The following HYDIN variants were observed in gnomAD, a reference collection of about 807,000 sequenced individuals.
HYDIN encodes axonemal central pair apparatus protein HYDIN.
Under a neutral mutation model 403.9 loss-of-function variants are expected in HYDIN, and 132 were observed. The ratio of observed to expected loss-of-function variants is 0.33; its 90% CI spans 0.28 to 0.38. The LOEUF (loss-of-function observed/expected upper bound fraction) is 0.38, where lower values mean the gene tolerates loss of function less well. HYDIN is among the 10% of genes least tolerant of loss of function. The pLI is 1.00. For synonymous variants in HYDIN, 1,202 were observed against 1,891.7 expected (o/e 0.64, Z 9.46); for missense variants, 2,827 against 5,009.5 (o/e 0.56, Z 13.15).
chr16:71,062,444 T>C, intron 16 of HYDIN, 111 bp from the exon 17 acceptor site: 5 of 842,404 alleles, frequency 5.9e-6, no homozygotes, highest in Non-Finnish European at 9.0e-6. Flanking sequence ...AGAAATGTCT[T>C]ATTATTCAAG....
rs537559285 is a variant in HYDIN, at chr16:71,027,320, G to A, written c.3042+282C>T. ...GGAGAATTTGCTTTGGCTAAAAACT[G>A]GGTGTTTTTCTACCAGAGACTTGCT... On this transcript the variant is annotated intron_variant, in intron 20 of 85. Transcript: ENST00000393567. 5,021 of 1,334,110 alleles carry A rather than the reference G, an allele frequency of 3.8e-3. 4 individuals are homozygous for A. Among genetic ancestry groups the A allele is most frequent in the Middle Eastern group, 6.7e-3 (23 of 3,438 alleles). 82.6% of individuals were successfully genotyped at this position (1,334,110 alleles called of 1,614,324 possible).
chr16:71,039,924 G>A (rs2144190953), intron 18 of HYDIN, among the ~76,000 whole-genome samples: 1 of 152,348 alleles, frequency 6.6e-6, no homozygotes, highest in Admixed American at 6.5e-5. Context: ...CCACTGAGCT[G>A]TTAACACCTA....
intron 18 of HYDIN, among the ~76,000 whole-genome samples, chr16:71,033,932 T>A (rs1275927270): frequency 7.2e-5 from 11 of 152,056 alleles, no homozygotes; most frequent in Non-Finnish European, 1.3e-4. Context: ...CAATATGCAC[T>A]GAGAAAAAGC....
intron 80 of HYDIN, among the ~76,000 whole-genome samples, chr16:70,830,599 G>A (rs1250149953): frequency 6.9e-6 from 1 of 145,964 alleles, no homozygotes; most frequent in Non-Finnish European, 1.5e-5. Flanking sequence ...AATAGGCCAG[G>A]TGGGGGATGA....
rs530076668 is a variant in HYDIN at position 70,989,084 on chromosome 16, C to A, written c.3865-572G>T. On this transcript the variant is annotated intron_variant, in intron 25 of 85. Transcript: ENST00000393567. Reference sequence around the variant, plus strand: ...GTACATATATATTTTATTTTTGAGACAAGATGTCTGTCTCTGTCACCCAGG... The same window carrying A: ...GTACATATATATTTTATTTTTGAGAAAAGATGTCTGTCTCTGTCACCCAGG... Among the ~76,000 whole-genome samples the A allele has an allele frequency of 1.6e-4, 25 of 151,922 alleles. No individual in the cohort carries two copies. The South Asian group carries it at 5.0e-3, about 31-fold the overall frequency.
chr16:71,187,003 C>T (rs749217871), intron 1 of HYDIN, 85 bp from the exon 2 acceptor site: 47 of 851,926 alleles, frequency 5.5e-5, no homozygotes, highest in Admixed American at 1.0e-4. Context: ...TTTTCAAATA[C>T]AGGAAGGTTT....
chr16:70,878,784 A>G (rs2040600672), intron 62 of HYDIN, among the ~76,000 whole-genome samples: 2 of 139,564 alleles, frequency 1.4e-5, no homozygotes, highest in African/African-American at 3.2e-5. Flanking sequence ...AACGTCATTT[A>G]CAGTGAATTT....
At chr16:71,038,279 C>T (rs1356707856) in intron 18 of HYDIN, among the ~76,000 whole-genome samples, 6 of 152,332 alleles carry the variant, frequency 3.9e-5, no homozygotes, top group East Asian at 1.9e-4. Flanking sequence ...TTTGACAATA[C>T]GGCAGCAGCA....
chr16:70,875,761 C>T (rs543849678), intron 62 of HYDIN, among the ~76,000 whole-genome samples: 30 of 152,126 alleles, frequency 2.0e-4, no homozygotes, highest in South Asian at 4.1e-4. Flanking sequence ...AGCAGAAATC[C>T]TACCAGATTC....
At chr16:70,865,278 C>G in intron 67 of HYDIN, 1 of 358,378 alleles carries the variant, frequency 2.8e-6, no homozygotes, top group Non-Finnish European at 5.5e-6. Context: ...TAAAGTTCAG[C>G]TGGGGAACTA....
At chr16:70,977,716 T>C (rs201939807) in intron 30 of HYDIN, among the ~76,000 whole-genome samples, 6 of 130,990 alleles carry the variant, frequency 4.6e-5, no homozygotes, top group East Asian at 2.4e-4. Context: ...TCAGGGGTGA[T>C]GAGGGAGGAT....
rs1199548175 is a variant in HYDIN at position 70,872,055 on chromosome 16, T to G, written c.11073A>C (p.Thr3691=). The stretch of plus-strand genomic sequence containing the variant: ...TATTTACCTGTGGGGAGAAAGCAAT[T>G]GTAGCTGAAACAGGCCATTCAAACC... ...LIRFEWPVSA[T]IAFSPQMGHL... is the part of the protein sequence containing the mutation. The change falls in exon 65 of 86, where the codon ACA becomes ACC. Residue 3691 remains threonine, a synonymous_variant. Transcript: ENST00000393567. The G allele has an allele frequency of 6.3e-7, 1 of 1,598,456 alleles. No homozygotes were observed. The highest frequency in any genetic ancestry group is 8.5e-7 in the Non-Finnish European group (1 of 1,173,258).
intron 83 of HYDIN, among the ~76,000 whole-genome samples, chr16:70,819,326 A>G (rs949990414): frequency 6.6e-6 from 1 of 152,180 alleles, no homozygotes; most frequent in African/African-American, 2.4e-5. Flanking sequence ...AGAAATGCTT[A>G]ATTAGTTAAT....
intron 9 of HYDIN, among the ~76,000 whole-genome samples, chr16:71,125,821 C>T (rs1469770308): frequency 2.6e-5 from 4 of 152,178 alleles, no homozygotes; most frequent in African/African-American, 9.7e-5. Context: ...TCTGACCACC[C>T]CTGGGCTGTT....
intron 1 of HYDIN, among the ~76,000 whole-genome samples, chr16:71,194,990 C>G (rs1162171123): frequency 6.6e-6 from 1 of 152,122 alleles, no homozygotes; most frequent in African/African-American, 2.4e-5. Flanking sequence ...TTCTTTTTGA[C>G]CCAGAAGTCA....
chr16:70,836,866 C>T (rs1176512162), intron 77 of HYDIN, among the ~76,000 whole-genome samples: 2 of 152,140 alleles, frequency 1.3e-5, no homozygotes, highest in African/African-American at 4.8e-5. Flanking sequence ...AAGTGAAAGA[C>T]CAATAGGAAA....
At chr16:71,139,086 A>C (rs922614200) in intron 7 of HYDIN, among the ~76,000 whole-genome samples, 5 of 129,702 alleles carry the variant, frequency 3.9e-5, no homozygotes, top group African/African-American at 1.8e-4. Context: ...CTCTGTCTCA[A>C]ATAAAGAAGA....
intron 70 of HYDIN, 133 bp from the exon 71 acceptor site, chr16:70,860,339 T>A: frequency 1.1e-6 from 1 of 889,986 alleles, no homozygotes; most frequent in Non-Finnish European, 1.7e-6. Flanking sequence ...TTTGTTACTG[T>A]GGAAATAAAA....
chr16:71,014,073 A>G (rs1487444395), intron 23 of HYDIN, among the ~76,000 whole-genome samples: 1 of 151,386 alleles, frequency 6.6e-6, no homozygotes, highest in African/African-American at 2.4e-5. Context: ...TTGAGGGGAC[A>G]AGAGGAGAAT....
Sources: allele counts gnomAD v4.1 joint callset (sites outside exome capture counted in the v4.1 genomes callset), GRCh38; gene constraint gnomAD v4.1.1; transcripts MANE v1.5; gene names NCBI Gene and HGNC (gene_info 2026-07-23, HGNC 2026-07-21).